NRCAM: variants seen among roughly 807,000 people sequenced by gnomAD.
NRCAM encodes the protein NgCAM-related cell adhesion molecule.
Under a neutral mutation model 156.5 loss-of-function variants are expected in NRCAM, and 83 were observed. The observed-to-expected ratio is 0.53, with a 90% confidence interval of 0.44 to 0.64. The LOEUF is 0.64. Among genes scored for constraint, NRCAM ranks in the 30% least tolerant of loss-of-function variants. NRCAM has a pLI of 0.00. For synonymous variants in NRCAM, 538 were observed against 563.9 expected (o/e 0.95, Z 0.65); for missense variants, 1,417 against 1,597.3 (o/e 0.89, Z 1.92).
intron 11 of NRCAM, among the ~76,000 whole-genome samples, chr7:108,217,957 A>T (rs1186329192): frequency 1.3e-5 from 2 of 151,810 alleles, no homozygotes; most frequent in African/African-American, 2.4e-5. Flanking sequence ...TCCAGGCACC[A>T]CTGGGGTATG....
rs369088188 is a variant in NRCAM, at chr7:108,407,650, A to G, written c.-331-8057T>C. Among the ~76,000 whole-genome samples the G allele has an allele frequency of 2.8e-3, 419 of 152,264 alleles. 3 individuals carry two copies. Among genetic ancestry groups the G allele is most frequent in the African/African-American group, 9.8e-3 (407 of 41,540 alleles). ...CAGTCTGCCTGATTGGAAGGGAAGAACAGCTAGAAGTTATGTGCTTACCCA... is the reference window on the plus strand; with the variant it reads ...CAGTCTGCCTGATTGGAAGGGAAGAGCAGCTAGAAGTTATGTGCTTACCCA... On this transcript the variant is annotated intron_variant, in intron 1 of 32. Transcript: ENST00000379028.
At chr7:108,291,131 C>G (rs749086721) in intron 3 of NRCAM, among the ~76,000 whole-genome samples, 4 of 152,144 alleles carry the variant, frequency 2.6e-5, no homozygotes, top group Non-Finnish European at 4.4e-5. Flanking sequence ...AAAAGGGCTG[C>G]ATTTCTGGGC....
chr7:108,284,865 T>C (rs2098022770), intron 3 of NRCAM, among the ~76,000 whole-genome samples: 3 of 152,238 alleles, frequency 2.0e-5, no homozygotes, highest in Admixed American at 6.5e-5. Flanking sequence ...CTTCTTGTTC[T>C]GCTTTGTGCT....
intron 1 of NRCAM, among the ~76,000 whole-genome samples, chr7:108,447,826 T>C (rs1846146583): frequency 6.6e-6 from 1 of 152,246 alleles, no homozygotes; most frequent in Non-Finnish European, 1.5e-5. Flanking sequence ...TGACCCAAAG[T>C]ACTACAGTAA....
rs1802993 is a variant in NRCAM at position 108,147,993 on chromosome 7, A to G, written c.*1917T>C. On this transcript the variant is annotated 3_prime_UTR_variant, in exon 33 of 33. Transcript: ENST00000379028. Reference sequence around the variant, plus strand: ...TGTTTTGTCTTTTTATATTTTCAAGAGACAGGTGGATCTGTGAAAAATGAA... The same window carrying G: ...TGTTTTGTCTTTTTATATTTTCAAGGGACAGGTGGATCTGTGAAAAATGAA... 6.5e-6 allele frequency: 1 copy of G among 152,750 alleles called. No homozygotes were observed. Among genetic ancestry groups the G allele is most frequent in the Admixed American group, 6.5e-5 (1 of 15,302 alleles). The allele number at this position is 152,750 out of a possible 1,614,324, so 9.5% of individuals were successfully genotyped here.
intron 2 of NRCAM, among the ~76,000 whole-genome samples, chr7:108,368,224 A>ACCCCCCCCCCCCCCCCCCCCCCTCC (rs67897117): frequency 1.1e-5 from 1 of 91,058 alleles, no homozygotes; most frequent in Admixed American, 1.3e-4. Flanking sequence ...ACACTTTCAT[A>ACCCCCCCCCCCCCCCCCCCCCCTCC]CCCCCCCCCA....
chr7:108,220,558 A>G (rs1397507761), intron 11 of NRCAM, among the ~76,000 whole-genome samples: 1 of 152,136 alleles, frequency 6.6e-6, no homozygotes, highest in Non-Finnish European at 1.5e-5. Context: ...CTTACAGCCA[A>G]CTGATCTTCG....
At chr7:108,154,488 C>G (rs1226591678) in intron 32 of NRCAM, among the ~76,000 whole-genome samples, 1 of 152,056 alleles carries the variant, frequency 6.6e-6, no homozygotes, top group Non-Finnish European at 1.5e-5. Flanking sequence ...AATGACCAGC[C>G]AAGAAGGGGC....
chr7:108,432,669 G>C (rs140717041), intron 1 of NRCAM, among the ~76,000 whole-genome samples: 2 of 152,220 alleles, frequency 1.3e-5, no homozygotes, highest in Non-Finnish European at 2.9e-5. Context: ...TCGGGAGGCC[G>C]AGGAGGGCAG....
At position 108,338,166 on chromosome 7, in the gene NRCAM, C is replaced by T. The variant is rs973478972; in HGVS notation, c.-173-25435G>A. ...CGGCAGTAGCCGGTTGAGATCATGG[C>T]GCAGCCAGAAGTCTCTACTCAACAG... On this transcript the variant is annotated intron_variant, in intron 2 of 32. Transcript: ENST00000379028. 1.1e-4 allele frequency among the ~76,000 whole-genome samples: 16 copies of T among 152,346 alleles called. No individual in the cohort carries two copies. In the Middle Eastern group the frequency reaches 0.01, roughly 97 times the overall value.
At chr7:108,231,326 A>T (rs1178655774) in intron 7 of NRCAM, among the ~76,000 whole-genome samples, 173 bp from the exon 8 acceptor site, 1 of 152,220 alleles carries the variant, frequency 6.6e-6, no homozygotes, top group Non-Finnish European at 1.5e-5. Context: ...GTAAAAATTT[A>T]AAAAATGACA....
At chr7:108,282,428 T>A (rs2097896407) in intron 3 of NRCAM, among the ~76,000 whole-genome samples, 1 of 152,162 alleles carries the variant, frequency 6.6e-6, no homozygotes. Flanking sequence ...CATCTACCTA[T>A]TTTTTTAAAA....
chr7:108,396,842 T>C (rs1472215888), intron 2 of NRCAM, among the ~76,000 whole-genome samples: 5 of 152,236 alleles, frequency 3.3e-5, no homozygotes, highest in Admixed American at 2.0e-4. Context: ...GGTTTGATTC[T>C]GTTCCAATCT....
chr7:108,283,956 T>G (rs2097963974), intron 3 of NRCAM, among the ~76,000 whole-genome samples: 1 of 151,992 alleles, frequency 6.6e-6, no homozygotes, highest in Non-Finnish European at 1.5e-5. Flanking sequence ...AGTGATTATC[T>G]TGCCTCGGCC....
intron 3 of NRCAM, among the ~76,000 whole-genome samples, chr7:108,306,147 TA>T (rs2098711861): frequency 6.6e-6 from 1 of 152,202 alleles, no homozygotes; most frequent in Non-Finnish European, 1.5e-5. Flanking sequence ...TTGTCACTAA[TA>T]TGTGTTAAAA....
In NRCAM at chr7:108,454,020, A is replaced by C. The variant is rs568771545; in HGVS notation, c.-332+2223T>G. On this transcript the variant is annotated intron_variant, in intron 1 of 32. Coordinates refer to ENST00000379028, the MANE Select transcript of NRCAM (RefSeq NM_001037132.4). ...TTTTCTTTAAAGAAAAAAAAGTTTT[A>C]TGAAACTTTATGATGTGCCAGGAAC... Among the ~76,000 whole-genome samples the C allele has an allele frequency of 1.2e-4, 19 of 152,308 alleles. No individual in the cohort carries two copies. The South Asian group carries it at 3.9e-3, about 32-fold the overall frequency.
At position 108,164,549 on chromosome 7, in the gene NRCAM, A is replaced by AGG. The variant is rs1554491817; in HGVS notation, c.3466+2371_3466+2372insCC. ...TTGACATCCTTACACCGCGGAACCG[A>AGG]GAGGAGAGGAGAGGAGAGGAGAGGA... is the stretch of plus-strand genomic sequence containing the variant. On this transcript the variant is annotated intron_variant, in intron 30 of 32. Transcript: ENST00000379028. Among the ~76,000 whole-genome samples, 4 of 130,820 alleles carry AGG rather than the reference A, an allele frequency of 3.1e-5. No individual in the cohort carries two copies. In the Middle Eastern group the frequency reaches 0.012, roughly 383 times the overall value. 85.8% of individuals were successfully genotyped at this position (130,820 alleles called of 152,430 possible).
intron 3 of NRCAM, among the ~76,000 whole-genome samples, chr7:108,255,321 C>T (rs2096581927): frequency 6.6e-6 from 1 of 152,158 alleles, no homozygotes; most frequent in Non-Finnish European, 1.5e-5. Context: ...TGTGCGCCGC[C>T]ACGCCTGACT....
Position 108,173,224 on chromosome 7 carries a change from G to T in NRCAM, c.3187+2098C>A, listed in dbSNP as rs571212149. ...TGGTCTTGAACTCCTGACCTCACGT[G>T]ATCTGCCCGCCTCAGCCTCCCAAAC... On this transcript the variant is annotated intron_variant, in intron 28 of 32. Transcript: ENST00000379028. 1.3e-3 allele frequency among the ~76,000 whole-genome samples: 201 copies of T among 152,150 alleles called. 1 individual carries two copies. The highest frequency in any genetic ancestry group is 3.4e-3 in the Middle Eastern group (1 of 294).
Sources: allele counts gnomAD v4.1 joint callset (sites outside exome capture counted in the v4.1 genomes callset), GRCh38; gene constraint gnomAD v4.1.1; transcripts MANE v1.5; gene names NCBI Gene and HGNC (gene_info 2026-07-23, HGNC 2026-07-21).